The following ANK2 variants were observed in gnomAD, a reference collection of about 807,000 sequenced individuals.
ANK2 encodes ankyrin-2.
A neutral mutation model predicts 360.5 loss-of-function variants in ANK2; 83 were observed. The observed-to-expected ratio is 0.23, with a 90% CI of 0.19 to 0.28. The LOEUF is 0.28. Among genes scored for constraint, ANK2 ranks in the 10% least tolerant of loss-of-function variants. ANK2 has a pLI of 1.00. For missense variants in ANK2, 4,201 were observed against 4,795.7 expected, an observed-to-expected ratio of 0.88 and a Z score of 3.66; for synonymous variants, 1,740 against 1,759.5, an observed-to-expected ratio of 0.99 and a Z score of 0.28.
chr4:113,038,344 A>AT (rs2062071955), intron 2 of ANK2, among the ~76,000 whole-genome samples: 2 of 152,038 alleles, frequency 1.3e-5, no homozygotes, highest in Non-Finnish European at 2.9e-5. Flanking sequence ...CGTTTGACCC[A>AT]GTAATATGTA....
chr4:112,723,902 T>C, the ANK2 span, among the ~76,000 whole-genome samples: 1 of 152,178 alleles, frequency 6.6e-6, no homozygotes, highest in East Asian at 1.9e-4. Context: ...TTACTAAAAT[T>C]ATACTGTGTT....
intron 41 of ANK2, among the ~76,000 whole-genome samples, chr4:113,365,584 G>C (rs888236115): frequency 6.6e-6 from 1 of 151,738 alleles, no homozygotes; most frequent in Non-Finnish European, 1.5e-5. Context: ...CATACCCTCG[G>C]GGACCTCCAG....
chr4:113,120,921 A>T (rs147741391), intron 1 of ANK2, among the ~76,000 whole-genome samples: 1 of 152,310 alleles, frequency 6.6e-6, no homozygotes, highest in East Asian at 1.9e-4. Context: ...ATAAATCAAT[A>T]TGTTCACCAT....
At chr4:113,345,706 T>C (rs1156972476) in intron 34 of ANK2, among the ~76,000 whole-genome samples, 194 bp from the exon 35 acceptor site, 1 of 152,096 alleles carries the variant, frequency 6.6e-6, no homozygotes, top group Non-Finnish European at 1.5e-5. Context: ...CATACTTAAA[T>C]AAGACTAAAA....
In ANK2 at chr4:113,265,585, C is replaced by G. The variant is rs115289119; in HGVS notation, c.1485+590C>G. 6.7e-3 allele frequency among the ~76,000 whole-genome samples: 1,021 copies of G among 152,248 alleles called. 7 individuals carry two copies. Among genetic ancestry groups the G allele is most frequent in the African/African-American group, 9.3e-3 (386 of 41,550 alleles). On this transcript the variant is annotated intron_variant, in intron 14 of 45. Coordinates refer to ENST00000357077, the MANE Select transcript of ANK2 (RefSeq NM_001148.6). ...CTGAAGATTGCTTGATCAGACTTGTCCTGTTTCTAATAGCTTGTAATTCCT... is the reference window on the plus strand; with the variant it reads ...CTGAAGATTGCTTGATCAGACTTGTGCTGTTTCTAATAGCTTGTAATTCCT...
chr4:113,014,801 C>A (rs935682026), intron 2 of ANK2, among the ~76,000 whole-genome samples: 4 of 140,754 alleles, frequency 2.8e-5, no homozygotes, highest in Non-Finnish European at 6.1e-5. Context: ...ATAATCTCAT[C>A]ATATTGGATT....
intron 26 of ANK2, among the ~76,000 whole-genome samples, chr4:113,324,325 G>A (rs1031419877): frequency 3.3e-5 from 5 of 152,042 alleles, no homozygotes; most frequent in Non-Finnish European, 7.4e-5. Flanking sequence ...TTTAGAAATT[G>A]TACTGTAGCA....
chr4:112,987,160 A>AAAATAT (rs2045180904), intron 2 of ANK2, among the ~76,000 whole-genome samples: 1 of 152,190 alleles, frequency 6.6e-6, no homozygotes, highest in East Asian at 1.9e-4. Context: ...AAAATATTGC[A>AAAATAT]TGGGTCTATA....
At chr4:112,762,158 A>G in the ANK2 span, among the ~76,000 whole-genome samples, 2 of 152,242 alleles carry the variant, frequency 1.3e-5, no homozygotes, top group Admixed American at 6.5e-5. Flanking sequence ...GTGGTTTGCC[A>G]TATTGAAAGC....
chr4:113,008,066 C>G (rs1227328632), intron 2 of ANK2, among the ~76,000 whole-genome samples: 1 of 151,102 alleles, frequency 6.6e-6, no homozygotes, highest in South Asian at 2.1e-4. Flanking sequence ...GTAGTTTTAC[C>G]TGGAAAAAGT....
chr4:112,840,307 T>C (rs1007961915), intron 1 of ANK2, among the ~76,000 whole-genome samples: 11 of 152,230 alleles, frequency 7.2e-5, no homozygotes, highest in Non-Finnish European at 2.9e-5. Context: ...GATACAGTGA[T>C]ACAGCACATT....
At chr4:112,946,514 G>A (rs2094555273) in intron 2 of ANK2, among the ~76,000 whole-genome samples, 1 of 152,156 alleles carries the variant, frequency 6.6e-6, no homozygotes, top group South Asian at 2.1e-4. Context: ...CAAGGAAGGT[G>A]GAATCTGGGG....
At chr4:113,147,086 A>G (rs1273674024) in intron 1 of ANK2, among the ~76,000 whole-genome samples, 1 of 152,198 alleles carries the variant, frequency 6.6e-6, no homozygotes, top group Non-Finnish European at 1.5e-5. Flanking sequence ...AAGGGCAAAT[A>G]TTTGCAGTTG....
chr4:112,990,610 T>C (rs1268184369), intron 2 of ANK2, among the ~76,000 whole-genome samples: 4 of 152,220 alleles, frequency 2.6e-5, no homozygotes, highest in Admixed American at 6.5e-5. Context: ...TTTCATGTTT[T>C]TAAATGATAG....
intron 2 of ANK2, among the ~76,000 whole-genome samples, chr4:113,191,613 T>C (rs975761581): frequency 2.6e-5 from 4 of 152,200 alleles, no homozygotes; most frequent in Non-Finnish European, 5.9e-5. Context: ...TGATGGAACA[T>C]TGGCAGGGCT....
intron 40 of ANK2, among the ~76,000 whole-genome samples, chr4:113,364,651 G>T (rs1184330222): frequency 2.0e-5 from 3 of 152,126 alleles, no homozygotes. Flanking sequence ...AAGTAGAATT[G>T]TCAGATTTAG....
chr4:112,991,572 T>C (rs1355501026), intron 2 of ANK2, among the ~76,000 whole-genome samples: 1 of 151,748 alleles, frequency 6.6e-6, no homozygotes, highest in African/African-American at 2.4e-5. Context: ...ACACCCCTCG[T>C]ATTCTCTTCA....
intron 2 of ANK2, among the ~76,000 whole-genome samples, chr4:112,918,648 A>T (rs184614685): frequency 2.6e-5 from 4 of 152,332 alleles, no homozygotes; most frequent in Admixed American, 2.6e-4. Context: ...CATGGCAGTA[A>T]TATTAATTAT....
At chr4:112,756,904 CAG>C in the ANK2 span, among the ~76,000 whole-genome samples, 1 of 151,930 alleles carries the variant, frequency 6.6e-6, no homozygotes, top group Admixed American at 6.6e-5. Flanking sequence ...ACCCGGGAGG[CAG>C]AGGTTGCAGT....
Sources: gnomAD v4.1 joint callset for allele counts (sites outside exome capture counted in the v4.1 genomes callset) on GRCh38, gnomAD v4.1.1 for gene constraint, MANE v1.5 for transcripts, NCBI Gene and HGNC (gene_info 2026-07-23, HGNC 2026-07-21) for gene names.